Variants in ADGRB3 observed in about 807,000 individuals in gnomAD.
ADGRB3 encodes the protein brain-specific angiogenesis inhibitor 3.
A neutral mutation model predicts 193.4 loss-of-function variants in ADGRB3; 37 were observed. The observed-to-expected ratio is 0.19, with a 90% CI of 0.15 to 0.25. The LOEUF is 0.25. ADGRB3 is among the 10% of genes least tolerant of loss of function. ADGRB3 has a pLI of 1.00. For synonymous variants in ADGRB3, 690 were observed against 644.2 expected (o/e 1.07, Z -1.08); for missense variants, 1,637 against 1,852.9 (o/e 0.88, Z 2.14).
intron 20 of ADGRB3, among the ~76,000 whole-genome samples, chr6:69,286,742 T>G (rs1767561337): frequency 6.6e-6 from 1 of 152,170 alleles, no homozygotes; most frequent in African/African-American, 2.4e-5. Context: ...CACCTGGGAA[T>G]CCACCTAACT....
intron 3 of ADGRB3, among the ~76,000 whole-genome samples, chr6:68,928,205 T>G (rs1012079475): frequency 6.6e-6 from 1 of 152,124 alleles, no homozygotes; most frequent in African/African-American, 2.4e-5. Context: ...CTTAAGAAAG[T>G]GTTAAAAATT....
intron 17 of ADGRB3, among the ~76,000 whole-genome samples, chr6:69,180,867 T>A (rs1047715376): frequency 6.6e-6 from 1 of 152,164 alleles, no homozygotes; most frequent in Non-Finnish European, 1.5e-5. Context: ...GAATGGCTGA[T>A]TTTGTATGCC....
chr6:68,974,889 C>T, intron 9 of ADGRB3, 25 bp downstream of exon 9: 1 of 1,576,274 alleles, frequency 6.3e-7, no homozygotes, highest in Non-Finnish European at 8.7e-7. Context: ...CCCACCCAAA[C>T]CCTAGTGATA....
intron 29 of ADGRB3, among the ~76,000 whole-genome samples, chr6:69,366,704 G>A (rs552188169): frequency 3.9e-5 from 6 of 152,108 alleles, no homozygotes; most frequent in South Asian, 2.1e-4. Context: ...AATGGTTTTC[G>A]TTGTGTGTTT....
intron 5 of ADGRB3, among the ~76,000 whole-genome samples, chr6:68,938,164 TC>T (rs1226240700): frequency 1.3e-4 from 19 of 151,148 alleles, no homozygotes; most frequent in Admixed American, 1.1e-3. Context: ...ACAAGAAAAA[TC>T]AGTGAGGCTC....
chr6:68,933,750 T>C (rs1038904090), intron 4 of ADGRB3, among the ~76,000 whole-genome samples: 1 of 152,224 alleles, frequency 6.6e-6, no homozygotes, highest in African/African-American at 2.4e-5. Flanking sequence ...TTGAAGTAAA[T>C]ATAATATTCA....
chr6:68,677,194 A>G (rs992757507), intron 3 of ADGRB3, among the ~76,000 whole-genome samples: 4 of 152,204 alleles, frequency 2.6e-5, no homozygotes, highest in Non-Finnish European at 4.4e-5. Flanking sequence ...GCTTACATGG[A>G]ATACTGTGTG....
At chr6:69,322,044 TCTC>T (rs1768466510) in intron 20 of ADGRB3, among the ~76,000 whole-genome samples, 1 of 151,914 alleles carries the variant, frequency 6.6e-6, no homozygotes, top group Non-Finnish European at 1.5e-5. Context: ...TGTCTGTTGT[TCTC>T]CTCTGTGTGT....
At chr6:69,035,276 C>G (rs992903857) in intron 13 of ADGRB3, among the ~76,000 whole-genome samples, 1 of 152,058 alleles carries the variant, frequency 6.6e-6, no homozygotes, top group African/African-American at 2.4e-5. Context: ...CCCCTTTTCT[C>G]TCTTCAAAAA....
intron 17 of ADGRB3, among the ~76,000 whole-genome samples, chr6:69,147,565 T>A (rs4457127): frequency 6.6e-6 from 1 of 151,960 alleles, no homozygotes; most frequent in Non-Finnish European, 1.5e-5. Flanking sequence ...GCCTAACACA[T>A]GGTCTGTCCT....
At chr6:69,188,604 C>T (rs1348929321) in intron 17 of ADGRB3, among the ~76,000 whole-genome samples, 2 of 152,142 alleles carry the variant, frequency 1.3e-5, no homozygotes, top group South Asian at 2.1e-4. Flanking sequence ...CCACTGCGCC[C>T]GGCCCTGGAA....
chr6:68,852,606 A>C (rs1046952544), intron 3 of ADGRB3, among the ~76,000 whole-genome samples: 1 of 152,016 alleles, frequency 6.6e-6, no homozygotes, highest in Non-Finnish European at 1.5e-5. Flanking sequence ...TTTGATATTT[A>C]AAAAAAGCTC....
At chr6:68,644,017 A>C (rs1314082002) in intron 3 of ADGRB3, among the ~76,000 whole-genome samples, 2 of 150,416 alleles carry the variant, frequency 1.3e-5, no homozygotes, top group African/African-American at 5.0e-5. Flanking sequence ...CAAACAACAA[A>C]CAAAAAAAAA....
At chr6:68,975,465 A>G (rs1343594217) in intron 10 of ADGRB3, 125 bp downstream of exon 10, 7 of 695,716 alleles carry the variant, frequency 1.0e-5, no homozygotes, top group African/African-American at 3.6e-5. Flanking sequence ...TGCCTGAAGG[A>G]GAAAGCAATG....
chr6:69,091,618 A>G (rs1174947939), intron 17 of ADGRB3, among the ~76,000 whole-genome samples: 1 of 152,182 alleles, frequency 6.6e-6, no homozygotes, highest in Non-Finnish European at 1.5e-5. Flanking sequence ...AGAAGGAAAC[A>G]ACACATACCG....
intron 13 of ADGRB3, among the ~76,000 whole-genome samples, chr6:69,030,264 G>T (rs1032187267): frequency 6.6e-6 from 1 of 152,068 alleles, no homozygotes; most frequent in Admixed American, 6.6e-5. Flanking sequence ...CCATTGCTAG[G>T]TATATACCCA....
Position 69,248,768 on chromosome 6 carries a change from A to G in ADGRB3, c.2814+9542A>G, listed in dbSNP as rs79935302. Among the ~76,000 whole-genome samples, 451 of 152,298 alleles carry G rather than the reference A, an allele frequency of 3.0e-3. 1 individual carries two copies. The highest frequency in any genetic ancestry group is 0.01 in the African/African-American group (424 of 41,570). ...ATTTTGAGCTTTCTAGAAGTATCTT[A>G]TGTGCATACCAACAGAACAACTACA... On this transcript the variant is annotated intron_variant, in intron 20 of 31. Coordinates refer to ENST00000370598, the MANE Select transcript of ADGRB3 (RefSeq NM_001704.3).
At position 68,761,438 on chromosome 6, in the gene ADGRB3, A is replaced by G. The variant is rs1766392750; in HGVS notation, c.757+122006A>G. ...CATGGTGCTACTTTGAACCTAAATT[A>G]GGCTTCTACAGTTACTACATATTTC... On this transcript the variant is annotated intron_variant, in intron 3 of 31. Transcript: ENST00000370598. Among the ~76,000 whole-genome samples, 2 of 151,350 alleles carry G rather than the reference A, an allele frequency of 1.3e-5. 1 individual carries two copies. Among genetic ancestry groups the G allele is most frequent in the South Asian group, 4.1e-4 (2 of 4,824 alleles).
chr6:69,362,670 C>A (rs1769478466), intron 29 of ADGRB3, among the ~76,000 whole-genome samples: 1 of 152,016 alleles, frequency 6.6e-6, no homozygotes, highest in East Asian at 1.9e-4. Context: ...AGGTCAGAAT[C>A]ATTCTTCAGA....
Sources: gnomAD v4.1 joint callset for allele counts (sites outside exome capture counted in the v4.1 genomes callset) on GRCh38, gnomAD v4.1.1 for gene constraint, MANE v1.5 for transcripts, NCBI Gene and HGNC (gene_info 2026-07-23, HGNC 2026-07-21) for gene names.